The following SLC5A11 variants were observed in gnomAD, a reference collection of about 807,000 sequenced individuals.
SLC5A11 encodes sodium/myo-inositol cotransporter 2.
SLC5A11 carries 48 observed loss-of-function variants against 69.8 expected under a neutral mutation model. The observed-to-expected ratio is 0.69, with a 90% CI of 0.55 to 0.87. The LOEUF is 0.87. Among genes scored for constraint, SLC5A11 ranks in the 40% least tolerant of loss-of-function variants. The probability of loss-of-function intolerance (pLI) is 0.00; values close to 1 mark genes in which losing one functional copy is unlikely to be tolerated. For synonymous variants in SLC5A11, 319 were observed against 342.4 expected, an observed-to-expected ratio of 0.93 and a Z score of 0.75; for missense variants, 784 against 866.1, an observed-to-expected ratio of 0.91 and a Z score of 1.19.
intron 9 of SLC5A11, among the ~76,000 whole-genome samples, chr16:24,895,216 T>A (rs988478724): frequency 2.6e-5 from 4 of 151,958 alleles, no homozygotes; most frequent in African/African-American, 9.7e-5. Context: ...CGGCTGGGTG[T>A]GGCAGCTCAT....
chr16:24,905,621 C>T (rs965240966), intron 10 of SLC5A11, among the ~76,000 whole-genome samples: 2 of 144,094 alleles, frequency 1.4e-5, no homozygotes, highest in African/African-American at 5.2e-5. Context: ...GACCCCATCT[C>T]AAAAACACGC....
chr16:24,877,053 G>T (rs750475342), intron 6 of SLC5A11: 22 of 1,400,384 alleles, frequency 1.6e-5, no homozygotes, highest in Non-Finnish European at 2.0e-5. Flanking sequence ...CCATTGAGGA[G>T]GCTGCTGCAT....
At position 24,886,766 on chromosome 16, in the gene SLC5A11, AAGCAAG is replaced by A. The variant is rs554198085; in HGVS notation, c.664+2637_664+2642del. Among the ~76,000 whole-genome samples, 115 of 152,250 alleles carry A rather than the reference AAGCAAG, an allele frequency of 7.6e-4. 1 individual carries two copies. In the South Asian group the frequency reaches 0.023, roughly 31 times the overall value. On this transcript the variant is annotated intron_variant, in intron 8 of 15. Coordinates refer to ENST00000347898, the Ensembl canonical transcript of SLC5A11. ...TAGCTTGAAACCAGCCTGGACAACA[AAGCAAG>A]ACCCCACTCTATGAAAAATGGAAAA...
At chr16:24,851,366 G>GA (rs566817307) in intron 1 of SLC5A11, among the ~76,000 whole-genome samples, 23 of 148,272 alleles carry the variant, frequency 1.6e-4, no homozygotes, top group East Asian at 1.2e-3. Context: ...TACAAAAAAA[G>GA]AAAAAAAAAA....
intron 10 of SLC5A11, among the ~76,000 whole-genome samples, chr16:24,905,394 G>C (rs1363146853): frequency 6.6e-6 from 1 of 151,430 alleles, no homozygotes; most frequent in Non-Finnish European, 1.5e-5. Flanking sequence ...AGTGAGCCGA[G>C]ATTGTGCCAC....
chr16:24,911,184 AAAG>A, intron 15 of SLC5A11, 141 bp from the exon 17 acceptor site: 1 of 740,652 alleles, frequency 1.4e-6, no homozygotes, highest in Non-Finnish European at 2.2e-6. Flanking sequence ...AAAAAAAAAA[AAAG>A]GGAGATTTCA....
exon 9 of SLC5A11, chr16:24,890,889 A>G: frequency 6.2e-7 from 1 of 1,614,026 alleles, no homozygotes; most frequent in Non-Finnish European, 8.5e-7. Context: ...GGTTGGTGGG[A>G]TGGAAGGACT....
intron 9 of SLC5A11, among the ~76,000 whole-genome samples, chr16:24,891,906 G>A (rs760297059): frequency 6.6e-6 from 1 of 151,958 alleles, no homozygotes; most frequent in Non-Finnish European, 1.5e-5. Flanking sequence ...AAAAAGTAGA[G>A]TGAGGTCAAG....
intron 9 of SLC5A11, among the ~76,000 whole-genome samples, chr16:24,891,637 T>G (rs1294111492): frequency 6.6e-6 from 1 of 152,130 alleles, no homozygotes; most frequent in African/African-American, 2.4e-5. Context: ...TACACTTTGC[T>G]TAATGTATGA....
At chr16:24,906,418 A>G (rs1829053263) in intron 10 of SLC5A11, among the ~76,000 whole-genome samples, 1 of 152,042 alleles carries the variant, frequency 6.6e-6, no homozygotes, top group African/African-American at 2.4e-5. Context: ...TACGATAACA[A>G]TAGCTGAATT....
intron 1 of SLC5A11, among the ~76,000 whole-genome samples, chr16:24,849,571 G>GAAAAAAAAA (rs2059173548): frequency 6.3e-5 from 1 of 15,984 alleles, no homozygotes; most frequent in African/African-American, 3.3e-4. Flanking sequence ...TGCCTTGGGG[G>GAAAAAAAAA]CAAAAAAAAA....
chr16:24,875,663 G>C, exon 6 of SLC5A11: 2 of 1,613,852 alleles, frequency 1.2e-6, no homozygotes, highest in Non-Finnish European at 1.7e-6. Flanking sequence ...GAAGCGCTTC[G>C]GTGGCATCAG....
chr16:24,891,361 C>T (rs1420467924), intron 9 of SLC5A11, among the ~76,000 whole-genome samples: 1 of 140,050 alleles, frequency 7.1e-6, no homozygotes, highest in Admixed American at 7.7e-5. Flanking sequence ...ATCACCCAGG[C>T]TGGAAGGCAG....
At chr16:24,875,239 C>T (rs941974062) in intron 5 of SLC5A11, among the ~76,000 whole-genome samples, 5 of 152,210 alleles carry the variant, frequency 3.3e-5, no homozygotes, top group Non-Finnish European at 7.3e-5. Flanking sequence ...AGTGCAATGG[C>T]ATGATCATGG....
chr16:24,871,550 G>A (rs8182174), intron 4 of SLC5A11, among the ~76,000 whole-genome samples: 1 of 152,142 alleles, frequency 6.6e-6, no homozygotes, highest in African/African-American at 2.4e-5. Context: ...TGGGATTACA[G>A]GCGTGACTCA....
At chr16:24,911,481 A>G (rs2050525843) in exon 16 of SLC5A11, 1 of 1,614,068 alleles carries the variant, frequency 6.2e-7, no homozygotes, top group African/African-American at 1.3e-5. Context: ...CTGGACGTCA[A>G]CCTCATTTTC....
intron 10 of SLC5A11, among the ~76,000 whole-genome samples, chr16:24,904,674 G>A (rs13338696): frequency 0.15 from 22,224 of 152,074 alleles, 1,809 homozygotes; most frequent in Middle Eastern, 0.22. Flanking sequence ...AATCTTCAAC[G>A]GAGTCCACAG....
chr16:24,897,539 C>G (rs2049268659), intron 9 of SLC5A11, among the ~76,000 whole-genome samples: 1 of 152,192 alleles, frequency 6.6e-6, no homozygotes, highest in Admixed American at 6.5e-5. Context: ...CAAGAGGCTA[C>G]ACACCCCGTT....
intron 2 of SLC5A11, among the ~76,000 whole-genome samples, chr16:24,860,567 C>G (rs2059724678): frequency 6.6e-6 from 1 of 152,256 alleles, no homozygotes; most frequent in Non-Finnish European, 1.5e-5. Flanking sequence ...TGTGATTATA[C>G]TAGTTTGTGT....
Sources: gnomAD v4.1 joint callset for allele counts (sites outside exome capture counted in the v4.1 genomes callset) on GRCh38, gnomAD v4.1.1 for gene constraint, MANE v1.5 for transcripts, NCBI Gene and HGNC (gene_info 2026-07-23, HGNC 2026-07-21) for gene names.